Variants in KIF13A observed in about 807,000 individuals in gnomAD.
KIF13A encodes the protein kinesin-like protein KIF13A.
A neutral mutation model predicts 212.2 loss-of-function variants in KIF13A; 79 were observed. The ratio of observed to expected loss-of-function variants is 0.37; its 90% CI spans 0.31 to 0.45. The LOEUF (loss-of-function observed/expected upper bound fraction) is 0.45, where lower values mean the gene tolerates loss of function less well. KIF13A is among the 20% of genes least tolerant of loss of function. The probability of loss-of-function intolerance (pLI) is 1.00; values close to 1 mark genes in which losing one functional copy is unlikely to be tolerated. For synonymous variants in KIF13A, 789 were observed against 808.6 expected, an observed-to-expected ratio of 0.98 and a Z score of 0.41; for missense variants, 1,901 against 2,209.0, an observed-to-expected ratio of 0.86 and a Z score of 2.79.
chr6:17,969,236 T>C (rs1370317027), intron 2 of KIF13A, among the ~76,000 whole-genome samples: 3 of 152,226 alleles, frequency 2.0e-5, no homozygotes, highest in Non-Finnish European at 4.4e-5. Context: ...TTCACGGACA[T>C]TGAACTGGTC....
Position 17,856,861 on chromosome 6 carries a change from A to C in KIF13A, c.221-739T>G, listed in dbSNP as rs1768191877. Among the ~76,000 whole-genome samples, 1 of 152,156 alleles carries C rather than the reference A, an allele frequency of 6.6e-6. No individual in the cohort carries two copies. The highest frequency in any genetic ancestry group is 2.4e-5 in the African/African-American group (1 of 41,434). ...CTGTATCACTAAGACAATTAGACTT[A>C]TGTTCTCCTTCCTGTCTTCTTATAG... On this transcript the variant is annotated intron_variant, in intron 4 of 38. Coordinates refer to ENST00000259711, the MANE Select transcript of KIF13A (RefSeq NM_022113.6). This position sits in a 1 kb window ranked among gnomAD's most constrained non-coding sequence, Gnocchi z 4.5.
At chr6:17,798,673 A>G (rs1762238375) in intron 22 of KIF13A, among the ~76,000 whole-genome samples, 1 of 152,232 alleles carries the variant, frequency 6.6e-6, no homozygotes, top group South Asian at 2.1e-4. Context: ...ATGACTTGTC[A>G]GCAGTCCTTG....
At chr6:17,867,318 C>T (rs1769500282) in intron 4 of KIF13A, among the ~76,000 whole-genome samples, 1 of 152,012 alleles carries the variant, frequency 6.6e-6, no homozygotes, top group South Asian at 2.1e-4. Context: ...AAAAGAAAAA[C>T]AAAAATCTGG....
chr6:17,821,152 C>T (rs559926044), intron 16 of KIF13A, among the ~76,000 whole-genome samples: 2 of 152,238 alleles, frequency 1.3e-5, no homozygotes, highest in South Asian at 4.1e-4. Flanking sequence ...AGAGCCATTG[C>T]GCTTGGCAAA....
rs183271544 is a variant in KIF13A at position 17,835,696 on chromosome 6, A to C, written c.1155+1182T>G. Among the ~76,000 whole-genome samples, 26 of 152,338 alleles carry C rather than the reference A, an allele frequency of 1.7e-4. No homozygotes were observed. In the East Asian group the frequency reaches 4.4e-3, roughly 26 times the overall value. On this transcript the variant is annotated intron_variant, in intron 11 of 38. Coordinates refer to ENST00000259711, the MANE Select transcript of KIF13A (RefSeq NM_022113.6). ...GAAGAGAAAGATATATAAACAAACA[A>C]TTACAATGTAATGCCAAGATCACCA...
chr6:17,827,386 T>G, intron 14 of KIF13A, among the ~76,000 whole-genome samples: 1 of 150,540 alleles, frequency 6.6e-6, no homozygotes, highest in East Asian at 2.0e-4. Flanking sequence ...TGTGAGCCAC[T>G]GTTCCTGGCC....
chr6:17,862,331 T>C (rs140832791), intron 4 of KIF13A, among the ~76,000 whole-genome samples: 83 of 152,350 alleles, frequency 5.4e-4, no homozygotes, highest in Middle Eastern at 3.4e-3. Context: ...GTACTTACCA[T>C]AGTGCGTGGC....
Position 17,794,461 on chromosome 6 carries a change from G to A in KIF13A, c.3076-66C>T. On this transcript the variant is annotated intron_variant, in intron 24 of 38. Transcript: ENST00000259711. The surrounding 1 kb of genome is among the most constrained non-coding windows in gnomAD (Gnocchi z 4.1). ...ATGAAAAGGAACGGGATAAAGAAGG[G>A]GAAAAGGATTAGAGAATAAAGATAC... The A allele has an allele frequency of 6.4e-7, 1 of 1,570,510 alleles. No individual in the cohort carries two copies. The highest frequency in any genetic ancestry group is 8.7e-7 in the Non-Finnish European group (1 of 1,151,920).
At chr6:17,857,427 T>G (rs950361858) in intron 4 of KIF13A, among the ~76,000 whole-genome samples, 21 of 152,146 alleles carry the variant, frequency 1.4e-4, no homozygotes, top group Admixed American at 2.6e-4. Context: ...TTCCTTTGAG[T>G]TCTTTTCTCT....
At chr6:17,879,274 T>C (rs1172916231) in intron 3 of KIF13A, among the ~76,000 whole-genome samples, 1 of 152,182 alleles carries the variant, frequency 6.6e-6, no homozygotes, top group Admixed American at 6.5e-5. Flanking sequence ...GCAGGAACTA[T>C]GTTCCATGCA....
At chr6:17,958,528 T>C (rs1260296289) in intron 2 of KIF13A, among the ~76,000 whole-genome samples, 1 of 152,212 alleles carries the variant, frequency 6.6e-6, no homozygotes, top group Non-Finnish European at 1.5e-5. Flanking sequence ...AAGCTATATA[T>C]AGTAAAAAGT....
Position 17,781,010 on chromosome 6 carries a change from T to C in KIF13A, c.3670-104A>G. Reference sequence around the variant, plus strand: ...AGAAAATAAATTCAACTCACTGTAATCAAATAGATTTCTTTCCTCACCTTT... The same window carrying C: ...AGAAAATAAATTCAACTCACTGTAACCAAATAGATTTCTTTCCTCACCTTT... On this transcript the variant is annotated intron_variant, in intron 30 of 38. Transcript: ENST00000259711. 59 of 1,342,734 alleles carry C rather than the reference T, an allele frequency of 4.4e-5. No individual in the cohort carries two copies. In the South Asian group the frequency reaches 7.8e-4, roughly 18 times the overall value. 83.2% of individuals were successfully genotyped at this position (1,342,734 alleles called of 1,614,324 possible). A position where few individuals can be genotyped will look rare whatever the true frequency, so the allele number is the denominator to read the frequency against.
At chr6:17,868,793 G>A (rs1769671596) in intron 4 of KIF13A, among the ~76,000 whole-genome samples, 1 of 151,270 alleles carries the variant, frequency 6.6e-6, no homozygotes, top group Non-Finnish European at 1.5e-5. Flanking sequence ...AGGAGTTCAA[G>A]GCCAGCCTGG....
Position 17,776,718 on chromosome 6 carries a change from A to G in KIF13A, c.4170+559T>C, listed in dbSNP as rs909729836. Among the ~76,000 whole-genome samples the G allele has an allele frequency of 1.3e-5, 2 of 152,226 alleles. No homozygotes were observed. Among genetic ancestry groups the G allele is most frequent in the African/African-American group, 4.8e-5 (2 of 41,462 alleles). On this transcript the variant is annotated intron_variant, in intron 34 of 38. Coordinates refer to ENST00000259711, the MANE Select transcript of KIF13A (RefSeq NM_022113.6). This position sits in a 1 kb window ranked among gnomAD's most constrained non-coding sequence, Gnocchi z 4.6. The stretch of plus-strand genomic sequence containing the variant: ...CTGCTTCTGGGAAGTGGCTGCTTAG[A>G]AGTGCTCCATGCACTAATCTGTCCT...
At chr6:17,939,099 A>C (rs562735766) in intron 2 of KIF13A, among the ~76,000 whole-genome samples, 11 of 152,286 alleles carry the variant, frequency 7.2e-5, no homozygotes, top group African/African-American at 2.6e-4. Context: ...AACAAATTTA[A>C]ATCTCAGAAA....
intron 2 of KIF13A, among the ~76,000 whole-genome samples, chr6:17,980,776 G>A (rs533703487): frequency 3.9e-5 from 6 of 152,024 alleles, no homozygotes; most frequent in East Asian, 1.9e-4. Context: ...AACAATGTTC[G>A]GTAGAGTCAT....
intron 2 of KIF13A, among the ~76,000 whole-genome samples, chr6:17,959,020 T>C (rs1222943020): frequency 1.3e-5 from 2 of 151,650 alleles, no homozygotes; most frequent in Non-Finnish European, 2.9e-5. Flanking sequence ...AGCTCCCAAG[T>C]AGCCTCCCAA....
chr6:17,909,984 T>C (rs1023228964), intron 2 of KIF13A, among the ~76,000 whole-genome samples: 6 of 152,230 alleles, frequency 3.9e-5, no homozygotes, highest in African/African-American at 1.2e-4. Flanking sequence ...AACTATGATA[T>C]TAATTTCTTC....
At chr6:17,865,809 G>A (rs867067309) in intron 4 of KIF13A, among the ~76,000 whole-genome samples, 2 of 152,126 alleles carry the variant, frequency 1.3e-5, no homozygotes, top group Non-Finnish European at 2.9e-5. Flanking sequence ...AATAGACCAC[G>A]GACACATTTT....
Sources: gnomAD v4.1 joint callset for allele counts (sites outside exome capture counted in the v4.1 genomes callset) on GRCh38, gnomAD v4.1.1 for gene constraint, Gnocchi (gnomAD v3.1) non-coding constraint, MANE v1.5 for transcripts, NCBI Gene and HGNC (gene_info 2026-07-23, HGNC 2026-07-21) for gene names.